Variants in PIK3C2G observed in about 807,000 individuals in gnomAD.
PIK3C2G encodes the protein phosphatidylinositol 3-kinase C2 domain-containing subunit gamma.
PIK3C2G carries 168 observed loss-of-function variants against 181.1 expected under a neutral mutation model. The observed-to-expected ratio is 0.93, with a 90% confidence interval of 0.82 to 1.05. The LOEUF (loss-of-function observed/expected upper bound fraction) is 1.05. Among genes scored for constraint, PIK3C2G ranks in the 50% least tolerant of loss-of-function variants. The pLI is 0.00. For missense variants in PIK3C2G, 1,869 were observed against 1,732.8 expected (o/e 1.08, Z -1.40); for synonymous variants, 573 against 592.2 (o/e 0.97, Z 0.47).
At chr12:18,379,315 G>A (rs1434753095) in intron 13 of PIK3C2G, among the ~76,000 whole-genome samples, 2 of 140,330 alleles carry the variant, frequency 1.4e-5, no homozygotes, top group African/African-American at 5.3e-5. Context: ...ATTGAACAAT[G>A]AGAACACTTG....
At chr12:18,487,849 T>C (rs1240234936) in intron 18 of PIK3C2G, among the ~76,000 whole-genome samples, 1 of 151,392 alleles carries the variant, frequency 6.6e-6, no homozygotes, top group Non-Finnish European at 1.5e-5. Flanking sequence ...TATTTTAAGA[T>C]AAATAAATAA....
chr12:18,650,275 C>G (rs1338352807), downstream of PIK3C2G, among the ~76,000 whole-genome samples: 1 of 145,142 alleles, frequency 6.9e-6, no homozygotes, highest in Non-Finnish European at 1.5e-5. Context: ...GAGCAAAAAA[C>G]TTGAAGCTAA....
rs1214563261 is a variant in PIK3C2G, at chr12:18,273,025, AAC to A, written c.-78-8967_-78-8966del. ...ACACCCCCATCCATAGACACACACA[AAC>A]ACACACACACAGAGATAGAGAGAGA... On this transcript the variant is annotated intron_variant, in intron 1 of 32. Coordinates refer to ENST00000538779, the MANE Select transcript of PIK3C2G (RefSeq NM_001288772.2). 7.0e-5 allele frequency among the ~76,000 whole-genome samples: 10 copies of A among 142,616 alleles called. No homozygotes were observed. The Admixed American group carries it at 7.2e-4, about 10-fold the overall frequency. 93.6% of individuals were successfully genotyped at this position (142,616 alleles called of 152,430 possible). A position where few individuals can be genotyped will look rare whatever the true frequency, so the allele number is the denominator to read the frequency against.
At chr12:18,544,249 A>G (rs543157938) in intron 25 of PIK3C2G, among the ~76,000 whole-genome samples, 1 of 152,006 alleles carries the variant, frequency 6.6e-6, no homozygotes, top group African/African-American at 2.4e-5. Flanking sequence ...TCTCTGTAGA[A>G]GATGAGGCTG....
chr12:18,521,052 A>T (rs1942880824), intron 24 of PIK3C2G, among the ~76,000 whole-genome samples: 2 of 151,864 alleles, frequency 1.3e-5, no homozygotes, highest in Admixed American at 1.3e-4. Context: ...GGCTCTATTC[A>T]TCTGGTAACT....
intron 22 of PIK3C2G, among the ~76,000 whole-genome samples, chr12:18,501,887 G>C (rs1941512865): frequency 6.6e-6 from 1 of 152,150 alleles, no homozygotes; most frequent in African/African-American, 2.4e-5. Flanking sequence ...TTTGGGCATG[G>C]TCAAAGGTAA....
intron 22 of PIK3C2G, among the ~76,000 whole-genome samples, chr12:18,502,652 A>G (rs1299335828): frequency 6.6e-6 from 1 of 152,180 alleles, no homozygotes; most frequent in Non-Finnish European, 1.5e-5. Flanking sequence ...TGATGGATAT[A>G]TGGCCAGCGG....
chr12:18,268,692 C>T (rs1021215493), intron 1 of PIK3C2G, among the ~76,000 whole-genome samples: 1 of 152,110 alleles, frequency 6.6e-6, no homozygotes, highest in Non-Finnish European at 1.5e-5. Context: ...ACTATTCAAA[C>T]AGTGCGTATT....
downstream of PIK3C2G, among the ~76,000 whole-genome samples, chr12:18,650,559 G>A (rs1019537700): frequency 3.6e-4 from 54 of 149,156 alleles, no homozygotes; most frequent in Middle Eastern, 3.4e-3. Context: ...ACACATGAAA[G>A]TCTATACATT....
intron 18 of PIK3C2G, among the ~76,000 whole-genome samples, chr12:18,469,778 TA>T (rs34500497): frequency 0.046 from 6,728 of 146,474 alleles, 350 homozygotes; most frequent in African/African-American, 0.13. Flanking sequence ...AGTCTCTCTT[TA>T]AAAAAAAAAA....
chr12:18,248,634 A>G (rs1387456958), intron 1 of PIK3C2G, among the ~76,000 whole-genome samples: 3 of 152,124 alleles, frequency 2.0e-5, no homozygotes, highest in Admixed American at 6.6e-5. Flanking sequence ...GCTGATTTTT[A>G]TACGTTTCTA....
At chr12:18,295,850 T>C (rs1949915847) in intron 5 of PIK3C2G, among the ~76,000 whole-genome samples, 1 of 152,022 alleles carries the variant, frequency 6.6e-6, no homozygotes, top group African/African-American at 2.4e-5. Context: ...TAAAGGAATA[T>C]ATATTAGTCA....
chr12:18,618,632 A>G (rs1948710699), intron 31 of PIK3C2G, among the ~76,000 whole-genome samples: 1 of 152,000 alleles, frequency 6.6e-6, no homozygotes, highest in Non-Finnish European at 1.5e-5. Flanking sequence ...CAATAGATAC[A>G]CTCTGAAATG....
chr12:18,495,683 G>A (rs1176672814), intron 20 of PIK3C2G, among the ~76,000 whole-genome samples: 1 of 152,072 alleles, frequency 6.6e-6, no homozygotes, highest in Non-Finnish European at 1.5e-5. Flanking sequence ...AATAATGGAA[G>A]GGAAATAAAG....
At chr12:18,354,716 A>G (rs566571458) in intron 11 of PIK3C2G, among the ~76,000 whole-genome samples, 2 of 152,312 alleles carry the variant, frequency 1.3e-5, no homozygotes, top group African/African-American at 4.8e-5. Flanking sequence ...TGGAGGGTCA[A>G]AGCAGTCGCA....
chr12:18,394,891 A>G (rs1943761184), intron 15 of PIK3C2G, among the ~76,000 whole-genome samples: 2 of 151,954 alleles, frequency 1.3e-5, no homozygotes, highest in Admixed American at 1.3e-4. Context: ...GGAGATGGCC[A>G]AATTTTACAA....
intron 11 of PIK3C2G, among the ~76,000 whole-genome samples, chr12:18,360,551 G>A (rs1941146366): frequency 6.6e-6 from 1 of 152,110 alleles, no homozygotes; most frequent in Non-Finnish European, 1.5e-5. Context: ...TACAAAGCAG[G>A]TCTTGTAGTG....
rs142723250 is a variant in PIK3C2G, at chr12:18,571,213, C to T, written c.4011+4156C>T. ...TTTAATTTTTTCAAATATATTTAGCCTCTTTTTTGTTATTTCTAGATTAAG... is the reference window on the plus strand; with the variant it reads ...TTTAATTTTTTCAAATATATTTAGCTTCTTTTTTGTTATTTCTAGATTAAG... On this transcript the variant is annotated intron_variant, in intron 29 of 32. Transcript: ENST00000538779. Among the ~76,000 whole-genome samples, 920 of 150,602 alleles carry T rather than the reference C, an allele frequency of 6.1e-3. 86 individuals carry two copies. Among genetic ancestry groups the T allele is most frequent in the African/African-American group, 0.022 (880 of 40,350 alleles).
At chr12:18,528,247 G>A (rs1943353457) in intron 24 of PIK3C2G, among the ~76,000 whole-genome samples, 2 of 152,146 alleles carry the variant, frequency 1.3e-5, no homozygotes, top group Admixed American at 1.3e-4. Context: ...TCTCTGAAAT[G>A]TAGGTCATTT....
Sources: allele counts gnomAD v4.1 joint callset (sites outside exome capture counted in the v4.1 genomes callset), GRCh38; gene constraint gnomAD v4.1.1; transcripts MANE v1.5; gene names NCBI Gene and HGNC (gene_info 2026-07-23, HGNC 2026-07-21).